Variants in ERI2 observed in about 807,000 individuals in gnomAD.
ERI2 encodes ERI1 exoribonuclease family member 2.
A neutral mutation model predicts 46.8 loss-of-function variants in ERI2; 35 were observed. The observed-to-expected ratio is 0.75, with a 90% CI of 0.57 to 0.99. The LOEUF (loss-of-function observed/expected upper bound fraction) is 0.99. ERI2 is among the 50% of genes least tolerant of loss of function. The pLI, the probability that ERI2 is intolerant of heterozygous loss-of-function variation, is 0.00. For missense variants in ERI2, 695 were observed against 796.2 expected, an observed-to-expected ratio of 0.87 and a Z score of 1.53; for synonymous variants, 224 against 271.0, an observed-to-expected ratio of 0.83 and a Z score of 1.70.
Position 20,801,324 on chromosome 16 carries a change from G to A in ERI2, c.339C>T (p.Cys113=). ...GAATCCATTTACAGAACTGAGATAA[G>A]CAAATCTTCAGAGGGACTCCTTCAT... is the stretch of plus-strand genomic sequence containing the variant. ...QVDEGVPLKI[C]LSQFCKWIHK... is the part of the protein sequence containing the mutation. Residue 113 remains cysteine, a synonymous_variant, in exon 5 of 9, where the codon TGC becomes TGT. Coordinates refer to ENST00000357967, the MANE Select transcript of ERI2 (RefSeq NM_001142725.2). 5.0e-6 allele frequency: 8 copies of A among 1,608,088 alleles called. No homozygotes were observed. The highest frequency in any genetic ancestry group is 6.8e-6 in the Non-Finnish European group (8 of 1,177,522).
chr16:20,804,128 A>T (rs1428050908), intron 1 of ERI2, among the ~76,000 whole-genome samples: 1 of 150,836 alleles, frequency 6.6e-6, no homozygotes, highest in East Asian at 2.0e-4. Context: ...TGCTGGGATT[A>T]CAGGCCTGAG....
intron 10 of ERI2, chr16:20,785,232 A>C: frequency 7.5e-7 from 1 of 1,334,896 alleles, no homozygotes; most frequent in African/African-American, 1.5e-5. Context: ...AAATGTTTAA[A>C]AAAACAATGC....
In ERI2 at chr16:20,797,083, T is replaced by C; in HGVS notation, c.*641A>G. The C allele has an allele frequency of 7.0e-7, 1 of 1,432,200 alleles. No individual in the cohort carries two copies. Among genetic ancestry groups the C allele is most frequent in the Non-Finnish European group, 9.1e-7 (1 of 1,096,806 alleles). 88.7% of individuals were successfully genotyped at this position (1,432,200 alleles called of 1,614,324 possible). Reference sequence around the variant, plus strand: ...AAACTGTGGTAGTATGCTTAGAAACTGTTGATTTAAAATATCTTGTGGTTA... The same window carrying C: ...AAACTGTGGTAGTATGCTTAGAAACCGTTGATTTAAAATATCTTGTGGTTA... On this transcript the variant is annotated 3_prime_UTR_variant, in exon 9 of 9. Transcript: ENST00000357967.
intron 5 of ERI2, 62 bp downstream of exon 5, chr16:20,801,141 T>C: frequency 7.5e-7 from 1 of 1,334,190 alleles, no homozygotes; most frequent in Non-Finnish European, 9.9e-7. Context: ...AAACTAGAAA[T>C]AAAGAATTAC....
At chr16:20,791,911 G>A, downstream of ERI2, 11 of 1,478,136 alleles carry the variant, frequency 7.4e-6, no homozygotes, top group Non-Finnish European at 9.1e-6. Context: ...CTGGGTAACA[G>A]AGTGAGACTG....
intron 10 of ERI2, among the ~76,000 whole-genome samples, chr16:20,783,062 G>A (rs774262639): frequency 6.6e-5 from 10 of 152,202 alleles, no homozygotes; most frequent in Non-Finnish European, 1.2e-4. Context: ...AAGGATGGAG[G>A]TGAGGCTGAA....
chr16:20,781,115 G>A lies in ERI2; in HGVS notation c.895-381C>T, dbSNP rs757135564. On this transcript the variant is annotated intron_variant, in intron 10 of 10. Transcript: ENST00000300005. ...CACACCATTTACCCCGTTTTGAGCC[G>A]ACTTCTATCTTGCAAGTAAGCCAAA... The A allele has an allele frequency of 1.2e-5, 19 of 1,613,732 alleles. No individual in the cohort carries two copies. The Admixed American group carries it at 2.0e-4, about 17-fold the overall frequency.
intron 4 of ERI2, among the ~76,000 whole-genome samples, chr16:20,802,292 C>T (rs1028631060): frequency 2.0e-5 from 3 of 151,658 alleles, no homozygotes; most frequent in Admixed American, 1.3e-4. Flanking sequence ...CAGTGAGCCC[C>T]GCCACCTTAC....
chr16:20,802,604 G>C (rs1337685532), intron 4 of ERI2, among the ~76,000 whole-genome samples, 192 bp downstream of exon 4: 1 of 149,062 alleles, frequency 6.7e-6, no homozygotes, highest in African/African-American at 2.5e-5. Context: ...TAGAGATGGG[G>C]TTCTCACTAT....
At chr16:20,802,760 G>T in intron 4 of ERI2, 36 bp downstream of exon 4, 1 of 1,573,496 alleles carries the variant, frequency 6.4e-7, no homozygotes, top group Non-Finnish European at 8.6e-7. Flanking sequence ...TTTTCTTTTT[G>T]AAACTGACTT....
intron 10 of ERI2, among the ~76,000 whole-genome samples, chr16:20,784,265 A>T (rs1184656058): frequency 6.6e-6 from 1 of 152,234 alleles, no homozygotes; most frequent in Non-Finnish European, 1.5e-5. Flanking sequence ...AAAATTAAAA[A>T]TTCAATTCCT....
At chr16:20,801,743 G>GT (rs2080798022) in intron 4 of ERI2, among the ~76,000 whole-genome samples, 1 of 151,998 alleles carries the variant, frequency 6.6e-6, no homozygotes, top group Non-Finnish European at 1.5e-5. Context: ...CCTTTGCTGT[G>GT]TATTTATTTA....
Position 20,780,903 on chromosome 16 carries a change from A to T in ERI2, c.895-169T>A, listed in dbSNP as rs770930975. 2.5e-6 allele frequency: 4 copies of T among 1,613,584 alleles called. No homozygotes were observed. In the Admixed American group the frequency reaches 6.7e-5, roughly 27 times the overall value. The stretch of plus-strand genomic sequence containing the variant: ...AGCTTGAAGTGTCAAAACTGCAAAG[A>T]TGATGACTTATGTACTGGTCTTTTA... On this transcript the variant is annotated intron_variant, in intron 10 of 10. Transcript: ENST00000300005.
chr16:20,789,364 GC>G (rs2080542965), intron 10 of ERI2: 3 of 779,572 alleles, frequency 3.8e-6, no homozygotes, highest in Non-Finnish European at 6.6e-6. Flanking sequence ...TAAAGGTTTA[GC>G]ATTAATTACT....
In ERI2 at chr16:20,790,468, A is replaced by G; in HGVS notation, c.815+382T>C. On this transcript the variant is annotated intron_variant, in intron 9 of 10. Transcript: ENST00000300005. This position sits in a 1 kb window ranked among gnomAD's most constrained non-coding sequence, Gnocchi z 4.0. ...TGAGACCTTGTCTCACACACACAAA[A>G]TTTTTTTTAAGTCTTCATTTTTAAA... 1 of 965,412 alleles carries G rather than the reference A, an allele frequency of 1.0e-6. No homozygotes were observed. Among genetic ancestry groups the G allele is most frequent in the Non-Finnish European group, 1.6e-6 (1 of 643,900 alleles). The allele number at this position is 965,412 out of a possible 1,614,324, so 59.8% of individuals were successfully genotyped here.
intron 10 of ERI2, chr16:20,780,835 T>C (rs1596522534): frequency 9.9e-6 from 16 of 1,614,182 alleles, no homozygotes; most frequent in Non-Finnish European, 1.4e-5. Flanking sequence ...CAGTTTTGGT[T>C]TAGGATTATC....
At chr16:20,801,431 GGAGAAAGATTA>G (rs2080794490) in intron 4 of ERI2, 72 bp from the exon 5 acceptor site, 2 of 1,429,686 alleles carry the variant, frequency 1.4e-6, no homozygotes, top group African/African-American at 2.9e-5. Flanking sequence ...TTATAACTGT[GGAGAAAGATTA>G]ATGGTTTTAA....
chr16:20,792,768 T>G (rs2080630173), downstream of ERI2: 1 of 941,110 alleles, frequency 1.1e-6, no homozygotes, highest in Non-Finnish European at 1.3e-6. Context: ...AGGCTGGAAC[T>G]GAGGTAACCA....
chr16:20,802,813 AT>A lies in ERI2; in HGVS notation c.285del (p.Glu95AspfsTer2), dbSNP rs1410594680. The A allele has an allele frequency of 1.2e-6, 2 of 1,610,326 alleles. No homozygotes were observed. ...CATCATACCTGCTTTATGCCTGTCA[AT>A]TCCATGCAAAATTCTGAAAGAATTG... The part of the protein sequence containing the change: ...EHPILSEFCM[E>X]LTGIKQAQVD... On this transcript the variant is annotated frameshift_variant, in exon 4 of 9. Coordinates refer to ENST00000357967, the MANE Select transcript of ERI2 (RefSeq NM_001142725.2). LOFTEE classifies it high-confidence loss of function.
Sources: allele counts gnomAD v4.1 joint callset (sites outside exome capture counted in the v4.1 genomes callset), GRCh38; gene constraint gnomAD v4.1.1; non-coding constraint Gnocchi (gnomAD v3.1); transcripts MANE v1.5; gene names NCBI Gene and HGNC (gene_info 2026-07-23, HGNC 2026-07-21).